NFIA: variants seen among roughly 807,000 people sequenced by gnomAD.
NFIA encodes the protein nuclear factor 1 A-type.
NFIA carries 8 observed loss-of-function variants against 62.8 expected under a neutral mutation model. That is an observed-to-expected ratio of 0.13 (90% CI 0.07 to 0.23). The LOEUF (loss-of-function observed/expected upper bound fraction) is 0.23, where lower values mean the gene tolerates loss of function less well. Ranked by LOEUF, NFIA falls within the 10% of genes least tolerant of loss-of-function variation. The pLI, the probability that NFIA is intolerant of heterozygous loss-of-function variation, is 1.00. For synonymous variants in NFIA, 235 were observed against 238.1 expected (o/e 0.99, Z 0.12); for missense variants, 410 against 642.1 (o/e 0.64, Z 3.91).
At chr1:61,140,834 G>A (rs761655089) in intron 2 of NFIA, among the ~76,000 whole-genome samples, 3 of 152,100 alleles carry the variant, frequency 2.0e-5, no homozygotes, top group Non-Finnish European at 4.4e-5. Context: ...ACAAAAGCAG[G>A]GTGGAGAAAC....
intron 2 of NFIA, among the ~76,000 whole-genome samples, chr1:61,231,500 A>G (rs939254396): frequency 2.6e-5 from 4 of 152,160 alleles, no homozygotes; most frequent in Non-Finnish European, 5.9e-5. Flanking sequence ...AAATGACACA[A>G]TTATTATATA....
chr1:61,316,565 C>G (rs944577626), intron 3 of NFIA, among the ~76,000 whole-genome samples: 12 of 152,126 alleles, frequency 7.9e-5, no homozygotes, highest in African/African-American at 2.4e-4. Context: ...CAGGGCAGTT[C>G]TAAACACTGG....
At chr1:61,118,049 G>A (rs1238794160) in intron 2 of NFIA, among the ~76,000 whole-genome samples, 2 of 152,034 alleles carry the variant, frequency 1.3e-5, no homozygotes, top group Admixed American at 1.3e-4. Context: ...GCCAGGCATG[G>A]TGGCAGGCGC....
At chr1:61,203,492 G>A (rs1053858292) in intron 2 of NFIA, among the ~76,000 whole-genome samples, 1 of 152,052 alleles carries the variant, frequency 6.6e-6, no homozygotes, top group Non-Finnish European at 1.5e-5. Flanking sequence ...TGGGTTGCCT[G>A]GTTTTTGCTC....
At chr1:61,421,785 G>A (rs1353499589) in intron 9 of NFIA, among the ~76,000 whole-genome samples, 3 of 152,122 alleles carry the variant, frequency 2.0e-5, no homozygotes, top group East Asian at 1.9e-4. Context: ...CCCTTTACAC[G>A]GAAGAAATCT....
At chr1:61,391,698 G>A (rs765703301) in intron 7 of NFIA, among the ~76,000 whole-genome samples, 4 of 152,164 alleles carry the variant, frequency 2.6e-5, no homozygotes, top group Non-Finnish European at 5.9e-5. Context: ...AACGTCCCCT[G>A]GCGTTTCACT....
Position 61,462,043 on chromosome 1 carries a change from GGCTTTTTTT to G in NFIA, c.*6724_*6732del, listed in dbSNP as rs1668560896. ...TTTTGGGTTTTTTTTTTTTTTTTTT[GGCTTTTTTT>G]TTTGTTTGTTTTTTTTTCTTTTGAC... On this transcript the variant is annotated 3_prime_UTR_variant, in exon 11 of 11. Transcript: ENST00000403491. 3.1e-5 allele frequency: 1 copy of G among 32,166 alleles called. No homozygotes were observed. Among genetic ancestry groups the G allele is most frequent in the Non-Finnish European group, 6.1e-5 (1 of 16,284 alleles). The allele number at this position is 32,166 out of a possible 1,614,324, so 2.0% of individuals were successfully genotyped here. A position where few individuals can be genotyped will look rare whatever the true frequency, so the allele number is the denominator to read the frequency against.
chr1:61,242,912 C>T lies in NFIA; in HGVS notation c.560-34608C>T, dbSNP rs1055850575. On this transcript the variant is annotated intron_variant, in intron 2 of 10. Coordinates refer to ENST00000403491, the MANE Select transcript of NFIA (RefSeq NM_001134673.4). The stretch of plus-strand genomic sequence containing the variant: ...AGCTTGAGTTTTGAAAAATCTATAG[C>T]TTTAGGATTTGTTCAGTCATGGAGC... Among the ~76,000 whole-genome samples the T allele has an allele frequency of 1.2e-4, 18 of 151,858 alleles. No homozygotes were observed. In the South Asian group the frequency reaches 1.3e-3, roughly 11 times the overall value.
intron 9 of NFIA, among the ~76,000 whole-genome samples, chr1:61,410,262 C>G (rs1217558526): frequency 1.3e-5 from 2 of 152,126 alleles, no homozygotes; most frequent in African/African-American, 4.8e-5. Context: ...GGATGACATC[C>G]TGGTGTCTTA....
intron 3 of NFIA, among the ~76,000 whole-genome samples, chr1:61,328,241 A>G (rs942633211): frequency 6.6e-6 from 1 of 152,024 alleles, no homozygotes; most frequent in Admixed American, 6.5e-5. Flanking sequence ...AGTGTCTCCA[A>G]CATCTTGCTC....
intron 5 of NFIA, 68 bp from the exon 6 acceptor site, chr1:61,359,079 A>C (rs1663139715): frequency 6.4e-7 from 1 of 1,573,396 alleles, no homozygotes; most frequent in Non-Finnish European, 8.6e-7. Flanking sequence ...TCTTTCAACC[A>C]GAGGTGCAGT....
chr1:61,198,871 T>C (rs940485836), intron 2 of NFIA, among the ~76,000 whole-genome samples: 8 of 152,224 alleles, frequency 5.3e-5, no homozygotes, highest in African/African-American at 1.7e-4. Flanking sequence ...GCATTTGTGT[T>C]TGCTGGCTGG....
intron 2 of NFIA, chr1:61,250,232 T>A (rs1655938867): frequency 1.3e-5 from 2 of 152,326 alleles, no homozygotes; most frequent in South Asian, 4.1e-4. Flanking sequence ...ATAATATAAG[T>A]GCTAGAAATG....
chr1:61,414,277 C>G (rs1307402383), intron 9 of NFIA, among the ~76,000 whole-genome samples: 1 of 152,200 alleles, frequency 6.6e-6, no homozygotes, highest in African/African-American at 2.4e-5. Context: ...GCCACTGTGC[C>G]CAGCCCACTT....
intron 7 of NFIA, among the ~76,000 whole-genome samples, chr1:61,389,723 T>C (rs1255274838): frequency 6.7e-6 from 1 of 148,802 alleles, no homozygotes; most frequent in Non-Finnish European, 1.5e-5. Flanking sequence ...AATCATAATA[T>C]AACCTGTGCC....
At chr1:61,301,546 A>G (rs1659496554) in intron 3 of NFIA, among the ~76,000 whole-genome samples, 1 of 152,216 alleles carries the variant, frequency 6.6e-6, no homozygotes, top group Non-Finnish European at 1.5e-5. Flanking sequence ...TGGCCTTACA[A>G]GGTAAAAACT....
intron 2 of NFIA, among the ~76,000 whole-genome samples, chr1:61,168,171 G>C (rs1649711408): frequency 1.3e-5 from 2 of 152,138 alleles, no homozygotes; most frequent in Non-Finnish European, 2.9e-5. Context: ...ATATAAGCTT[G>C]TGGAATTAAC....
chr1:61,314,680 G>GATATTGCCTT lies in NFIA; in HGVS notation c.626-17832_626-17831insATATTGCCTT, dbSNP rs1660279432. Among the ~76,000 whole-genome samples the GATATTGCCTT allele has an allele frequency of 2.6e-5, 4 of 152,156 alleles. No individual in the cohort carries two copies. The South Asian group carries it at 8.3e-4, about 32-fold the overall frequency. Reference sequence around the variant, plus strand: ...TATACACTTGACTTCCTATCCATAGGGTTATCCTTGTTGCCCCCCATAAAT... The same window carrying GATATTGCCTT: ...TATACACTTGACTTCCTATCCATAGGATATTGCCTTGTTATCCTTGTTGCCCCCCATAAAT... On this transcript the variant is annotated intron_variant, in intron 3 of 10. Coordinates refer to ENST00000403491, the MANE Select transcript of NFIA (RefSeq NM_001134673.4).
chr1:61,266,443 G>C (rs1262404865), intron 2 of NFIA, among the ~76,000 whole-genome samples: 1 of 151,882 alleles, frequency 6.6e-6, no homozygotes, highest in East Asian at 1.9e-4. Flanking sequence ...GCAGTGGCAC[G>C]ATCTCAGCTC....
Sources: allele counts gnomAD v4.1 joint callset (sites outside exome capture counted in the v4.1 genomes callset), GRCh38; gene constraint gnomAD v4.1.1; transcripts MANE v1.5; gene names NCBI Gene and HGNC (gene_info 2026-07-23, HGNC 2026-07-21).